ZNF385B: variants seen among roughly 807,000 people sequenced by gnomAD.
ZNF385B encodes the protein zinc finger protein 385B.
In ZNF385B, 23 loss-of-function variants were observed where a neutral mutation model predicts 39.2. That is an observed-to-expected ratio of 0.59 (90% CI 0.42 to 0.83). The LOEUF is 0.83. Ranked by LOEUF, ZNF385B falls within the 40% of genes least tolerant of loss-of-function variation. The pLI, the probability that ZNF385B is intolerant of heterozygous loss-of-function variation, is 0.00. For missense variants in ZNF385B, 552 were observed against 598.9 expected (o/e 0.92, Z 0.82); for synonymous variants, 205 against 222.6 (o/e 0.92, Z 0.70).
At chr2:179,825,324 CTGTTT>C (rs1214249003) in intron 1 of ZNF385B, among the ~76,000 whole-genome samples, 1 of 152,194 alleles carries the variant, frequency 6.6e-6, no homozygotes, top group Admixed American at 6.6e-5. Context: ...TCACCATTTC[CTGTTT>C]TGTTTTGTTT....
chr2:179,550,083 C>G (rs1466172661), intron 3 of ZNF385B, among the ~76,000 whole-genome samples: 1 of 149,322 alleles, frequency 6.7e-6, no homozygotes, highest in African/African-American at 2.5e-5. Context: ...GCTTTAAACT[C>G]TTAGCTAAAT....
At chr2:179,812,938 G>A (rs1706827419) in intron 1 of ZNF385B, among the ~76,000 whole-genome samples, 1 of 151,976 alleles carries the variant, frequency 6.6e-6, no homozygotes, top group Non-Finnish European at 1.5e-5. Context: ...TTGCAAGAGA[G>A]CTCTCCTATA....
intron 3 of ZNF385B, among the ~76,000 whole-genome samples, chr2:179,560,947 T>C (rs1436403967): frequency 6.6e-6 from 1 of 152,216 alleles, no homozygotes; most frequent in Non-Finnish European, 1.5e-5. Context: ...GGATTGTTTT[T>C]ATTACGTGCT....
intron 3 of ZNF385B, among the ~76,000 whole-genome samples, chr2:179,720,220 T>G (rs1050847002): frequency 6.6e-6 from 1 of 152,126 alleles, no homozygotes; most frequent in African/African-American, 2.4e-5. Context: ...ATAGTGATAA[T>G]AATGCCTAAT....
At chr2:179,671,455 CA>C in intron 3 of ZNF385B, among the ~76,000 whole-genome samples, 1 of 152,278 alleles carries the variant, frequency 6.6e-6, no homozygotes, top group East Asian at 1.9e-4. Context: ...AAAGCATATT[CA>C]AGACAAAACA....
At chr2:179,752,103 G>A (rs1246314646) in intron 3 of ZNF385B, among the ~76,000 whole-genome samples, 1 of 151,834 alleles carries the variant, frequency 6.6e-6, no homozygotes, top group Admixed American at 6.6e-5. Flanking sequence ...CCCCACGACA[G>A]GCCCCGGTGT....
chr2:179,739,560 T>A (rs980020514), intron 3 of ZNF385B, among the ~76,000 whole-genome samples: 1 of 152,174 alleles, frequency 6.6e-6, no homozygotes, highest in Admixed American at 6.5e-5. Flanking sequence ...TGTAGTTTAT[T>A]TTTACTTCAG....
intron 3 of ZNF385B, among the ~76,000 whole-genome samples, chr2:179,567,693 G>C (rs1480327186): frequency 6.6e-6 from 1 of 152,186 alleles, no homozygotes; most frequent in Non-Finnish European, 1.5e-5. Context: ...GCTGGAGAAA[G>C]TTTCACTGTG....
At chr2:179,836,232 G>A (rs1380940694) in intron 1 of ZNF385B, among the ~76,000 whole-genome samples, 1 of 152,126 alleles carries the variant, frequency 6.6e-6, no homozygotes, top group African/African-American at 2.4e-5. Flanking sequence ...CTTATCATTT[G>A]TTGTCTGTCC....
At chr2:179,836,520 T>C (rs1325641001) in intron 1 of ZNF385B, among the ~76,000 whole-genome samples, 1 of 143,538 alleles carries the variant, frequency 7.0e-6, no homozygotes, top group East Asian at 1.9e-4. Context: ...TTTCTTTTTT[T>C]TTTTTTTTTG....
At chr2:179,635,857 T>C (rs1691704415) in intron 3 of ZNF385B, among the ~76,000 whole-genome samples, 1 of 152,154 alleles carries the variant, frequency 6.6e-6, no homozygotes, top group Non-Finnish European at 1.5e-5. Context: ...TTTTTGATAG[T>C]TGGAACACAT....
intron 3 of ZNF385B, among the ~76,000 whole-genome samples, chr2:179,764,392 T>TA (rs1559173485): frequency 1.3e-5 from 2 of 152,026 alleles, no homozygotes; most frequent in African/African-American, 4.8e-5. Context: ...GGTTTTTTTT[T>TA]AATGCATTTT....
chr2:179,776,229 T>C (rs1232400892), intron 1 of ZNF385B, among the ~76,000 whole-genome samples: 1 of 152,220 alleles, frequency 6.6e-6, no homozygotes, highest in Non-Finnish European at 1.5e-5. Context: ...ATGTTTTCAC[T>C]GTCAGTCTTA....
At chr2:179,453,664 T>C (rs1309972892) in intron 6 of ZNF385B, among the ~76,000 whole-genome samples, 3 of 152,198 alleles carry the variant, frequency 2.0e-5, no homozygotes, top group Admixed American at 2.0e-4. Flanking sequence ...CAGTTTGGCA[T>C]AACAAAGTTG....
At chr2:179,616,208 G>A (rs1184765839) in intron 3 of ZNF385B, among the ~76,000 whole-genome samples, 1 of 152,088 alleles carries the variant, frequency 6.6e-6, no homozygotes, top group Non-Finnish European at 1.5e-5. Flanking sequence ...GGCTATTGTG[G>A]GAATCAAATG....
intron 3 of ZNF385B, among the ~76,000 whole-genome samples, chr2:179,739,000 G>A (rs1701928795): frequency 6.6e-6 from 1 of 152,126 alleles, no homozygotes; most frequent in Admixed American, 6.5e-5. Context: ...ATCTCACAGA[G>A]AACTAGTCTA....
chr2:179,835,216 G>A (rs974434872), intron 1 of ZNF385B, among the ~76,000 whole-genome samples: 1 of 152,150 alleles, frequency 6.6e-6, no homozygotes, highest in African/African-American at 2.4e-5. Flanking sequence ...AAACGCTTTA[G>A]CAAAAACAAA....
chr2:179,730,731 C>T (rs1701335656), intron 3 of ZNF385B, among the ~76,000 whole-genome samples: 1 of 151,696 alleles, frequency 6.6e-6, no homozygotes, highest in Non-Finnish European at 1.5e-5. Flanking sequence ...AATGAATGAA[C>T]AATTCAGAAA....
At chr2:179,585,643 G>A (rs1449570137) in intron 3 of ZNF385B, among the ~76,000 whole-genome samples, 1 of 152,216 alleles carries the variant, frequency 6.6e-6, no homozygotes, top group African/African-American at 2.4e-5. Context: ...GTTTCAGTAT[G>A]TAATCTAACA....
Sources: gnomAD v4.1 joint callset for allele counts (sites outside exome capture counted in the v4.1 genomes callset) on GRCh38, gnomAD v4.1.1 for gene constraint, MANE v1.5 for transcripts, NCBI Gene and HGNC (gene_info 2026-07-23, HGNC 2026-07-21) for gene names.